Variants in B3GALNT1 observed in about 807,000 individuals in gnomAD.
The protein encoded by B3GALNT1 is beta-1,3-N-acetylgalactosaminyltransferase 1 (Globoside blood group), also known as UDP-GalNAc:beta-1,3-N-acetylgalactosaminyltransferase 1.
A neutral mutation model predicts 27.3 loss-of-function variants in B3GALNT1; 17 were observed. That is an observed-to-expected ratio of 0.62 (90% CI 0.43 to 0.94). The LOEUF (loss-of-function observed/expected upper bound fraction) is 0.94. Ranked by LOEUF, B3GALNT1 falls within the 40% of genes least tolerant of loss-of-function variation. B3GALNT1 has a pLI of 0.00. For missense variants in B3GALNT1, 347 were observed against 390.0 expected (o/e 0.89, Z 0.93); for synonymous variants, 141 against 144.0 (o/e 0.98, Z 0.15).
At chr3:161,104,970 A>G (rs983370005) in intron 1 of B3GALNT1, 7 of 152,168 alleles carry the variant, frequency 4.6e-5, no homozygotes, top group Admixed American at 3.9e-4. Flanking sequence ...CGCGTCGCCC[A>G]CTGCCCCACT....
chr3:161,103,416 G>A lies in B3GALNT1; in HGVS notation c.-130+11C>T, dbSNP rs1481976142. ...TAGGATAATTTATAAGTTAAAAGTA[G>A]ATGAACTTACCTGTGGAATTCCAGA... On this transcript the variant is annotated intron_variant, in intron 3 of 4. Coordinates refer to ENST00000320474, the MANE Select transcript of B3GALNT1 (RefSeq NM_003781.4). 28 of 1,203,496 alleles carry A rather than the reference G, an allele frequency of 2.3e-5. No homozygotes were observed. Among genetic ancestry groups the A allele is most frequent in the Non-Finnish European group, 3.1e-5 (28 of 913,388 alleles). 74.6% of individuals were successfully genotyped at this position (1,203,496 alleles called of 1,614,324 possible).
rs1283653682 is a variant in B3GALNT1, at chr3:161,102,215, G to GA, written c.-129-983dup. ...TAGCTAAATATAGTTCCAGATAACAGACACAGAAAGAGAAGCAACAGACAA... is the reference window on the plus strand; with the variant it reads ...TAGCTAAATATAGTTCCAGATAACAGAACACAGAAAGAGAAGCAACAGACAA... On this transcript the variant is annotated intron_variant, in intron 3 of 4. Transcript: ENST00000320474. Among the ~76,000 whole-genome samples, 3 of 138,144 alleles carry GA rather than the reference G, an allele frequency of 2.2e-5. No individual in the cohort carries two copies. The Admixed American group carries it at 2.3e-4, about 10-fold the overall frequency. 90.6% of individuals were successfully genotyped at this position (138,144 alleles called of 152,430 possible).
intron 4 of B3GALNT1, among the ~76,000 whole-genome samples, chr3:161,096,166 T>A (rs964241699): frequency 6.6e-6 from 1 of 152,270 alleles, no homozygotes; most frequent in South Asian, 2.1e-4. Context: ...GATTTGGTAA[T>A]GTACTTTTAT....
At chr3:161,090,657 T>G (rs1576678262) in intron 4 of B3GALNT1, among the ~76,000 whole-genome samples, 2 of 151,838 alleles carry the variant, frequency 1.3e-5, no homozygotes, top group Non-Finnish European at 2.9e-5. Context: ...GGTCAGGAGA[T>G]TAAGACCATC....
intron 4 of B3GALNT1, among the ~76,000 whole-genome samples, chr3:161,100,549 T>C (rs1042654033): frequency 2.0e-5 from 3 of 152,208 alleles, no homozygotes; most frequent in Admixed American, 6.5e-5. Flanking sequence ...CACATGTAAG[T>C]AAGACATATT....
At chr3:161,094,632 G>T (rs1253208353) in intron 4 of B3GALNT1, among the ~76,000 whole-genome samples, 2 of 151,950 alleles carry the variant, frequency 1.3e-5, no homozygotes, top group South Asian at 2.1e-4. Flanking sequence ...AAAATTTAGG[G>T]AATGCCAGAA....
chr3:161,102,459 A>G (rs780114490), intron 3 of B3GALNT1, among the ~76,000 whole-genome samples: 4 of 152,118 alleles, frequency 2.6e-5, no homozygotes, highest in African/African-American at 7.2e-5. Context: ...CGCCCCCTAC[A>G]AACTGCCGTA....
intron 4 of B3GALNT1, among the ~76,000 whole-genome samples, chr3:161,092,029 G>A (rs1725383082): frequency 6.6e-6 from 1 of 152,170 alleles, no homozygotes; most frequent in African/African-American, 2.4e-5. Flanking sequence ...GGATCAGGGT[G>A]TCACCATTCT....
intron 4 of B3GALNT1, among the ~76,000 whole-genome samples, chr3:161,090,916 T>G (rs549852406): frequency 6.6e-6 from 1 of 152,196 alleles, no homozygotes; most frequent in African/African-American, 2.4e-5. Flanking sequence ...CAATCATCTA[T>G]AGTTCAGAGG....
At position 161,105,261 on chromosome 3, in the gene B3GALNT1, C is replaced by G. The variant is rs1576798492; in HGVS notation, c.-335G>C. 1 of 152,278 alleles carries G rather than the reference C, an allele frequency of 6.6e-6. No homozygotes were observed. Among genetic ancestry groups the G allele is most frequent in the Non-Finnish European group, 1.5e-5 (1 of 68,084 alleles). 9.4% of individuals were successfully genotyped at this position (152,278 alleles called of 1,614,324 possible). The stretch of plus-strand genomic sequence containing the variant: ...TCCTGTGCTCGGCGCGCACCCAGCT[C>G]GGAAGCGGGAAGGTGGCCGGCGTTC... On this transcript the variant is annotated 5_prime_UTR_variant, in exon 1 of 5. Coordinates refer to ENST00000320474, the MANE Select transcript of B3GALNT1 (RefSeq NM_003781.4).
Position 161,084,287 on chromosome 3 carries a change from T to C in B3GALNT1, c.*1472A>G, listed in dbSNP as rs1720714300. On this transcript the variant is annotated 3_prime_UTR_variant, in exon 5 of 5. Transcript: ENST00000320474. ...ATATTTCATTTAATTGATTTTATTA[T>C]AACTGGATTAGGTCTGAGCCCTGGG... The C allele has an allele frequency of 6.6e-6, 1 of 152,248 alleles. No homozygotes were observed. Among genetic ancestry groups the C allele is most frequent in the Admixed American group, 6.5e-5 (1 of 15,286 alleles). The allele number at this position is 152,248 out of a possible 1,614,324, so 9.4% of individuals were successfully genotyped here. A position where few individuals can be genotyped will look rare whatever the true frequency, so the allele number is the denominator to read the frequency against.
Position 161,086,035 on chromosome 3 carries a change from C to A in B3GALNT1, c.720G>T (p.Gly240=). The part of the protein sequence containing the change: ...PFKVFPPYCS[G]LGYIMSRDLV... ...AATCTCTGGACATTATATAACCCAA[C>A]CCACTGCAGTATGGAGGGAACACCT... is the stretch of plus-strand genomic sequence containing the variant. The change falls in exon 5 of 5, where the codon GGG becomes GGT. Residue 240 remains glycine, a synonymous_variant. Transcript: ENST00000320474. 6.3e-7 allele frequency: 1 copy of A among 1,589,878 alleles called. No individual in the cohort carries two copies. Among genetic ancestry groups the A allele is most frequent in the Non-Finnish European group, 8.5e-7 (1 of 1,170,244 alleles).
At position 161,103,517 on chromosome 3, in the gene B3GALNT1, A is replaced by T; in HGVS notation, c.-220T>A. ...AAAACACTCAGATCTGTTGTGAACTACTGAACAGAAGAACAGAAAAAAATA... is the reference window on the plus strand; with the variant it reads ...AAAACACTCAGATCTGTTGTGAACTTCTGAACAGAAGAACAGAAAAAAATA... On this transcript the variant is annotated splice_region_variant and 5_prime_UTR_variant, in exon 3 of 5. An upstream open reading frame in the 5' UTR loses its in-frame stop. Coordinates refer to ENST00000320474, the MANE Select transcript of B3GALNT1 (RefSeq NM_003781.4). The T allele has an allele frequency of 8.1e-7, 1 of 1,233,590 alleles. No homozygotes were observed. Among genetic ancestry groups the T allele is most frequent in the Non-Finnish European group, 1.1e-6 (1 of 945,206 alleles). The allele number at this position is 1,233,590 out of a possible 1,614,324, so 76.4% of individuals were successfully genotyped here. A position where few individuals can be genotyped will look rare whatever the true frequency, so the allele number is the denominator to read the frequency against.
intron 4 of B3GALNT1, among the ~76,000 whole-genome samples, chr3:161,091,316 T>TTAGAAATGTC (rs1480815587): frequency 2.0e-5 from 3 of 152,054 alleles, no homozygotes; most frequent in Non-Finnish European, 2.9e-5. Context: ...AAAATGCCAA[T>TTAGAAATGTC]TAGAAATGTC....
rs1439545787 is a variant in B3GALNT1, at chr3:161,103,523, CAGA to C, written c.-220-9_-220-7del. On this transcript the variant is annotated splice_polypyrimidine_tract_variant and splice_region_variant and intron_variant, in intron 2 of 4. Coordinates refer to ENST00000320474, the MANE Select transcript of B3GALNT1 (RefSeq NM_003781.4). Reference sequence around the variant, plus strand: ...CTCAGATCTGTTGTGAACTACTGAACAGAAGAACAGAAAAAAATATATATGAGT... The same window carrying C: ...CTCAGATCTGTTGTGAACTACTGAACAGAACAGAAAAAAATATATATGAGT... 10 of 1,158,494 alleles carry C rather than the reference CAGA, an allele frequency of 8.6e-6. No individual in the cohort carries two copies. The highest frequency in any genetic ancestry group is 3.2e-5 in the African/African-American group (2 of 62,440). 71.8% of individuals were successfully genotyped at this position (1,158,494 alleles called of 1,614,324 possible).
At chr3:161,092,789 TG>T (rs761970596) in intron 4 of B3GALNT1, among the ~76,000 whole-genome samples, 6 of 126,436 alleles carry the variant, frequency 4.7e-5, no homozygotes, top group Non-Finnish European at 8.1e-5. Flanking sequence ...TTTTTTGAGA[TG>T]GAGTCTCGCT....
chr3:161,091,036 G>C (rs1263027950), intron 4 of B3GALNT1, among the ~76,000 whole-genome samples: 1 of 152,110 alleles, frequency 6.6e-6, no homozygotes, highest in Non-Finnish European at 1.5e-5. Context: ...GGGAGGCTAA[G>C]GTGGGAGGAT....
At position 161,085,949 on chromosome 3, in the gene B3GALNT1, T is replaced by C. The variant is rs746347439; in HGVS notation, c.806A>G (p.Tyr269Cys). 6.2e-7 allele frequency: 1 copy of C among 1,604,026 alleles called. No individual in the cohort carries two copies. The highest frequency in any genetic ancestry group is 8.5e-7 in the Non-Finnish European group (1 of 1,175,306). ...TAATAAATTCAAACAGATCCCGACATAAACATCTTCAAACTTGATGGGTTT... is the reference window on the plus strand; with the variant it reads ...TAATAAATTCAAACAGATCCCGACACAAACATCTTCAAACTTGATGGGTTT... ...HVKPIKFEDV[Y>C]VGICLNLLKV... The change falls in exon 5 of 5, where the codon TAT (tyrosine) becomes TGT (cysteine). Residue 269 changes from tyrosine (Y) to cysteine (C), a missense_variant. Transcript: ENST00000320474.
rs896839466 is a variant in B3GALNT1 at position 161,104,306 on chromosome 3, A to C, written c.-221+13T>G. 1.0e-5 allele frequency: 13 copies of C among 1,289,420 alleles called. No individual in the cohort carries two copies. The East Asian group carries it at 5.5e-4, about 55-fold the overall frequency. 79.9% of individuals were successfully genotyped at this position (1,289,420 alleles called of 1,614,324 possible). A position where few individuals can be genotyped will look rare whatever the true frequency, so the allele number is the denominator to read the frequency against. ...GTTCCCAGTTGAACACTGCAAACCC[A>C]AATTTTCCTTACCTCTGAAAACAGA... On this transcript the variant is annotated intron_variant, in intron 2 of 4. Coordinates refer to ENST00000320474, the MANE Select transcript of B3GALNT1 (RefSeq NM_003781.4).
Sources: allele counts gnomAD v4.1 joint callset (sites outside exome capture counted in the v4.1 genomes callset), GRCh38; gene constraint gnomAD v4.1.1; transcripts MANE v1.5; gene names NCBI Gene and HGNC (gene_info 2026-07-23, HGNC 2026-07-21).